PRMT8: variants seen among roughly 807,000 people sequenced by gnomAD.
PRMT8 encodes protein arginine N-methyltransferase 8.
PRMT8 carries 7 observed loss-of-function variants against 47.1 expected under a neutral mutation model. That is an observed-to-expected ratio of 0.15 (90% CI 0.08 to 0.28). The LOEUF (loss-of-function observed/expected upper bound fraction) is 0.28. PRMT8 is among the 10% of genes least tolerant of loss of function. The pLI is 1.00. For missense variants in PRMT8, 237 were observed against 505.4 expected, an observed-to-expected ratio of 0.47 and a Z score of 5.09; for synonymous variants, 188 against 186.5, an observed-to-expected ratio of 1.01 and a Z score of -0.07.
At chr12:3,451,150 G>C (rs535927726) in intron 1 of PRMT8, among the ~76,000 whole-genome samples, 214 of 144,688 alleles carry the variant, frequency 1.5e-3, no homozygotes, top group African/African-American at 5.2e-3. Flanking sequence ...ACTGCCACAA[G>C]AGTTAGAAAT....
chr12:3,484,335 AGAG>A (rs1325445956), intron 1 of PRMT8, among the ~76,000 whole-genome samples: 1 of 152,226 alleles, frequency 6.6e-6, no homozygotes, highest in African/African-American at 2.4e-5. Flanking sequence ...AATCTCTTAA[AGAG>A]GAGGAAACAG....
rs1555085718 is a variant in PRMT8 at position 3,496,214 on chromosome 12, A to ATTTTTTTT, written c.75+4533_75+4540dup. Among the ~76,000 whole-genome samples, 185 of 27,762 alleles carry ATTTTTTTT rather than the reference A, an allele frequency of 6.7e-3. 18 individuals carry two copies. The highest frequency in any genetic ancestry group is 0.011 in the Non-Finnish European group (138 of 12,626). The allele number at this position is 27,762 out of a possible 152,430, so 18.2% of individuals were successfully genotyped here. On this transcript the variant is annotated intron_variant, in intron 1 of 9. Coordinates refer to ENST00000382622, the MANE Select transcript of PRMT8 (RefSeq NM_019854.5). ...TTTGGAAACTGATATATATATATAT[A>ATTTTTTTT]TTTTTTTTTTTTTTTTTTTTTTTTT...
chr12:3,583,014 T>C lies in PRMT8; in HGVS notation c.829-44T>C, dbSNP rs1867099436. Reference sequence around the variant, plus strand: ...GCTGCTGACCGGGACCCAGACTTGGTGGAGGCGATAAGTTCCCGGCATTCT... The same window carrying C: ...GCTGCTGACCGGGACCCAGACTTGGCGGAGGCGATAAGTTCCCGGCATTCT... On this transcript the variant is annotated intron_variant, in intron 7 of 9. Coordinates refer to ENST00000382622, the MANE Select transcript of PRMT8 (RefSeq NM_019854.5). The surrounding 1 kb of genome is among the most constrained non-coding windows in gnomAD (Gnocchi z 4.7). 3 of 1,593,232 alleles carry C rather than the reference T, an allele frequency of 1.9e-6. No homozygotes were observed. In the East Asian group the frequency reaches 6.8e-5, roughly 36 times the overall value.
At chr12:3,445,772 C>T (rs139437204) in intron 1 of PRMT8, among the ~76,000 whole-genome samples, 151 of 152,334 alleles carry the variant, frequency 9.9e-4, no homozygotes, top group African/African-American at 3.5e-3. Context: ...CATACACATG[C>T]ATGTGTCGTA....
At chr12:3,437,589 A>T (rs898136590) in intron 1 of PRMT8, among the ~76,000 whole-genome samples, 1 of 149,686 alleles carries the variant, frequency 6.7e-6, no homozygotes, top group Non-Finnish European at 1.5e-5. Flanking sequence ...CTTAAAATTT[A>T]TGTAATCATT....
At chr12:3,505,017 C>G (rs1254940732) in intron 1 of PRMT8, among the ~76,000 whole-genome samples, 2 of 132,598 alleles carry the variant, frequency 1.5e-5, no homozygotes, top group Non-Finnish European at 3.2e-5. Context: ...CTCCCTGACC[C>G]CTTGCGCTTC....
chr12:3,531,258 T>A (rs1347212156), intron 1 of PRMT8, among the ~76,000 whole-genome samples: 1 of 152,002 alleles, frequency 6.6e-6, no homozygotes, highest in African/African-American at 2.4e-5. Flanking sequence ...CGTAACCCCC[T>A]TCAAGTCAAA....
rs532697755 is a variant in PRMT8 at position 3,580,090 on chromosome 12, C to T, written c.829-2968C>T. 5.3e-5 allele frequency among the ~76,000 whole-genome samples: 8 copies of T among 152,308 alleles called. No individual in the cohort carries two copies. Among genetic ancestry groups the T allele is most frequent in the African/African-American group, 1.9e-4 (8 of 41,572 alleles). On this transcript the variant is annotated intron_variant, in intron 7 of 9. Transcript: ENST00000382622. This position sits in a 1 kb window ranked among gnomAD's most constrained non-coding sequence, Gnocchi z 4.6. Reference sequence around the variant, plus strand: ...GCCTAGCTACAGCTGATCCCATCCTCACAGATGGCCTGGACCCCCATTCCA... The same window carrying T: ...GCCTAGCTACAGCTGATCCCATCCTTACAGATGGCCTGGACCCCCATTCCA...
intron 1 of PRMT8, among the ~76,000 whole-genome samples, chr12:3,473,972 CCCTGCCATT>C (rs2137096999): frequency 6.6e-6 from 1 of 152,322 alleles, no homozygotes; most frequent in South Asian, 2.1e-4. Context: ...CCACTCCAGA[CCCTGCCATT>C]CCTTGCTGGG....
chr12:3,509,327 C>G (rs1464722948), intron 1 of PRMT8, among the ~76,000 whole-genome samples: 2 of 152,226 alleles, frequency 1.3e-5, no homozygotes, highest in Admixed American at 1.3e-4. Flanking sequence ...CTCCTACTCT[C>G]TCTTCAGGTC....
intron 1 of PRMT8, among the ~76,000 whole-genome samples, chr12:3,392,801 T>C (rs926894703): frequency 5.9e-5 from 9 of 151,758 alleles, no homozygotes; most frequent in Non-Finnish European, 8.9e-5. Context: ...ACTTCCACAA[T>C]GGTTGAACTA....
intron 1 of PRMT8, among the ~76,000 whole-genome samples, chr12:3,497,404 C>T (rs1253957389): frequency 3.9e-5 from 6 of 152,204 alleles, no homozygotes; most frequent in African/African-American, 7.2e-5. Flanking sequence ...CCTCGAGTGT[C>T]TCAGTAGTCG....
Position 3,453,495 on chromosome 12 carries a change from G to A in PRMT8, c.48+72053G>A, listed in dbSNP as rs1457445210. Among the ~76,000 whole-genome samples, 1 of 152,168 alleles carries A rather than the reference G, an allele frequency of 6.6e-6. No homozygotes were observed. Among genetic ancestry groups the A allele is most frequent in the Non-Finnish European group, 1.5e-5 (1 of 68,024 alleles). On this transcript the variant is annotated intron_variant, in intron 1 of 9. Transcript: ENST00000452611. This position sits in a 1 kb window ranked among gnomAD's most constrained non-coding sequence, Gnocchi z 4.9. Reference sequence around the variant, plus strand: ...ACTGCTGCTGGGACTGTGCGGTGCCGTAGGACATGATTTCTGACCTCAGAG... The same window carrying A: ...ACTGCTGCTGGGACTGTGCGGTGCCATAGGACATGATTTCTGACCTCAGAG...
At chr12:3,523,640 G>A (rs908452615) in intron 1 of PRMT8, among the ~76,000 whole-genome samples, 2 of 152,200 alleles carry the variant, frequency 1.3e-5, no homozygotes, top group South Asian at 2.1e-4. Context: ...TAATAAGAGC[G>A]ACTGTTACGC....
chr12:3,454,957 A>C (rs962880829), intron 1 of PRMT8, among the ~76,000 whole-genome samples: 1 of 152,118 alleles, frequency 6.6e-6, no homozygotes, highest in African/African-American at 2.4e-5. Context: ...GAGCTGACGC[A>C]CCAAAGAATG....
intron 1 of PRMT8, among the ~76,000 whole-genome samples, chr12:3,442,346 A>T (rs1864812128): frequency 6.6e-6 from 1 of 152,218 alleles, no homozygotes; most frequent in Non-Finnish European, 1.5e-5. Context: ...AATAAAAAAA[A>T]AACAAAGGCA....
chr12:3,496,779 T>C (rs1483195567), intron 1 of PRMT8, among the ~76,000 whole-genome samples: 2 of 152,206 alleles, frequency 1.3e-5, no homozygotes, highest in African/African-American at 4.8e-5. Context: ...AAGTGCAAAC[T>C]GAAAGTATTC....
chr12:3,526,548 AT>A (rs1443112880), intron 1 of PRMT8, among the ~76,000 whole-genome samples: 2 of 152,196 alleles, frequency 1.3e-5, no homozygotes, highest in African/African-American at 4.8e-5. Flanking sequence ...TTTAAAAAAT[AT>A]ATATTAGCCA....
chr12:3,536,889 A>G (rs1866127424), intron 1 of PRMT8, among the ~76,000 whole-genome samples: 2 of 152,214 alleles, frequency 1.3e-5, no homozygotes, highest in Non-Finnish European at 2.9e-5. Context: ...GTGTGGCTAC[A>G]CCACAGTTTA....
Sources: allele counts gnomAD v4.1 joint callset (sites outside exome capture counted in the v4.1 genomes callset), GRCh38; gene constraint gnomAD v4.1.1; non-coding constraint Gnocchi (gnomAD v3.1); transcripts MANE v1.5; gene names NCBI Gene and HGNC (gene_info 2026-07-23, HGNC 2026-07-21).